SMOC2: variants seen among roughly 807,000 people sequenced by gnomAD.
The protein encoded by SMOC2 is SPARC-related modular calcium-binding protein 2.
In SMOC2, 39 loss-of-function variants were observed where a neutral mutation model predicts 61.4. The observed-to-expected ratio is 0.64, with a 90% CI of 0.49 to 0.83. The LOEUF (loss-of-function observed/expected upper bound fraction) is 0.83. Ranked by LOEUF, SMOC2 falls within the 40% of genes least tolerant of loss-of-function variation. SMOC2 has a pLI of 0.00. For synonymous variants in SMOC2, 247 were observed against 239.9 expected, an observed-to-expected ratio of 1.03 and a Z score of -0.27; for missense variants, 556 against 592.9, an observed-to-expected ratio of 0.94 and a Z score of 0.65.
At position 168,453,777 on chromosome 6, in the gene SMOC2, TTCTA is replaced by T. The variant is rs1481744674; in HGVS notation, c.84+12327_84+12330del. Among the ~76,000 whole-genome samples, 2 of 151,966 alleles carry T rather than the reference TTCTA, an allele frequency of 1.3e-5. No individual in the cohort carries two copies. The highest frequency in any genetic ancestry group is 4.8e-5 in the African/African-American group (2 of 41,392). ...TCTCCCTCTTTCTCTGTCTCTCTGA[TTCTA>T]TCTCTTGGTCTCTGTCATTCTCCAT... On this transcript the variant is annotated intron_variant, in intron 1 of 12. Transcript: ENST00000356284. This position sits in a 1 kb window ranked among gnomAD's most constrained non-coding sequence, Gnocchi z 4.4.
intron 7 of SMOC2, among the ~76,000 whole-genome samples, chr6:168,566,822 G>T (rs866414565): frequency 1.9e-4 from 29 of 152,152 alleles, no homozygotes; most frequent in Middle Eastern, 3.2e-3. Flanking sequence ...CTAATGCAGA[G>T]TTAGACTTTG....
At chr6:168,606,675 A>T (rs1785701627) in intron 8 of SMOC2, among the ~76,000 whole-genome samples, 1 of 152,234 alleles carries the variant, frequency 6.6e-6, no homozygotes, top group Non-Finnish European at 1.5e-5. Context: ...TTTAAGAATG[A>T]AAAAAGAAAA....
At chr6:168,540,284 G>T (rs1286915755) in intron 4 of SMOC2, among the ~76,000 whole-genome samples, 1 of 152,236 alleles carries the variant, frequency 6.6e-6, no homozygotes. Flanking sequence ...TGCCCTCCTA[G>T]AGGCTGCTCT....
rs538012745 is a variant in SMOC2 at position 168,609,171 on chromosome 6, G to A, written c.907+932G>A. 5.9e-5 allele frequency among the ~76,000 whole-genome samples: 9 copies of A among 152,332 alleles called. No individual in the cohort carries two copies. The South Asian group carries it at 1.7e-3, about 28-fold the overall frequency. ...AATGGTTGACACAGGGAAGCAGAGG[G>A]CGGAATGTGGTTCCGGGGACACACA... is the stretch of plus-strand genomic sequence containing the variant. On this transcript the variant is annotated intron_variant, in intron 9 of 12. Transcript: ENST00000356284.
chr6:168,480,126 A>G (rs1446307089), intron 1 of SMOC2, among the ~76,000 whole-genome samples: 1 of 152,176 alleles, frequency 6.6e-6, no homozygotes, highest in Non-Finnish European at 1.5e-5. Context: ...AACAAACCCC[A>G]AGCAAACCCT....
At chr6:168,521,027 G>T (rs1783316833) in intron 2 of SMOC2, among the ~76,000 whole-genome samples, 2 of 152,220 alleles carry the variant, frequency 1.3e-5, no homozygotes, top group Admixed American at 1.3e-4. Flanking sequence ...AGAGATTCTA[G>T]CAAAGTAGGG....
intron 7 of SMOC2, among the ~76,000 whole-genome samples, chr6:168,563,696 G>C (rs1362110955): frequency 2.0e-5 from 3 of 152,156 alleles, no homozygotes; most frequent in Non-Finnish European, 2.9e-5. Flanking sequence ...AACCAAGAAG[G>C]CGCCATCTGT....
At chr6:168,495,494 C>T (rs1047978059) in intron 1 of SMOC2, among the ~76,000 whole-genome samples, 2 of 152,182 alleles carry the variant, frequency 1.3e-5, no homozygotes, top group South Asian at 2.1e-4. Context: ...AAGTACAGAT[C>T]GTAGATGTGG....
At chr6:168,547,251 T>G in intron 6 of SMOC2, 82 bp downstream of exon 6, 2 of 1,236,696 alleles carry the variant, frequency 1.6e-6, no homozygotes, top group Non-Finnish European at 2.4e-6. Flanking sequence ...GAGCGAGTCA[T>G]CTTGTTAGAG....
At chr6:168,570,398 G>A (rs1784638271) in intron 7 of SMOC2, among the ~76,000 whole-genome samples, 1 of 152,116 alleles carries the variant, frequency 6.6e-6, no homozygotes, top group Non-Finnish European at 1.5e-5. Flanking sequence ...ACTGTGGGAG[G>A]AACGTCTTGC....
At chr6:168,543,512 C>A in intron 4 of SMOC2, 113 bp from the exon 5 acceptor site, 1 of 913,102 alleles carries the variant, frequency 1.1e-6, no homozygotes, top group Non-Finnish European at 1.7e-6. Context: ...TAGAACATGC[C>A]GAAGCACGGC....
At chr6:168,660,671 G>C (rs1274638362) in intron 11 of SMOC2, among the ~76,000 whole-genome samples, 1 of 152,228 alleles carries the variant, frequency 6.6e-6, no homozygotes, top group Non-Finnish European at 1.5e-5. Context: ...AGATGTGGCA[G>C]AGAAGCATGA....
intron 8 of SMOC2, among the ~76,000 whole-genome samples, chr6:168,600,411 AAAAAAAAAAAC>A (rs534271270): frequency 0.072 from 2,242 of 30,986 alleles, 212 homozygotes; most frequent in Admixed American, 0.25. Context: ...CTGCCTCAAA[AAAAAAAAAAAC>A]AAAAAAAAAA....
At chr6:168,602,712 C>G (rs1785581455) in intron 8 of SMOC2, among the ~76,000 whole-genome samples, 1 of 152,192 alleles carries the variant, frequency 6.6e-6, no homozygotes, top group African/African-American at 2.4e-5. Flanking sequence ...GGTCTGGTTC[C>G]TCGTGCAAAC....
chr6:168,551,428 TTTA>T (rs1784126803), intron 7 of SMOC2, among the ~76,000 whole-genome samples: 22 of 12,416 alleles, frequency 1.8e-3, no homozygotes, highest in African/African-American at 0.016. Context: ...CTTTATTTTA[TTTA>T]TTTATTTATT....
rs546760976 is a variant in SMOC2, at chr6:168,589,589, T to C, written c.638-9229T>C. Among the ~76,000 whole-genome samples, 6 of 152,340 alleles carry C rather than the reference T, an allele frequency of 3.9e-5. No homozygotes were observed. In the South Asian group the frequency reaches 1.2e-3, roughly 32 times the overall value. Reference sequence around the variant, plus strand: ...GGGTTCTGTCTCTGTGGCATTAGTTTAGGGAGAAGCCAGCCTGGTGGTGGT... The same window carrying C: ...GGGTTCTGTCTCTGTGGCATTAGTTCAGGGAGAAGCCAGCCTGGTGGTGGT... On this transcript the variant is annotated intron_variant, in intron 7 of 12. Coordinates refer to ENST00000356284, the MANE Select transcript of SMOC2 (RefSeq NM_001166412.2).
intron 3 of SMOC2, among the ~76,000 whole-genome samples, chr6:168,526,770 G>A (rs1027297749): frequency 1.3e-5 from 2 of 152,100 alleles, no homozygotes; most frequent in Non-Finnish European, 2.9e-5. Context: ...GTGCTAACCT[G>A]GCTTGCAGCT....
intron 4 of SMOC2, among the ~76,000 whole-genome samples, chr6:168,533,850 G>A (rs1016058097): frequency 3.3e-5 from 5 of 152,178 alleles, no homozygotes; most frequent in Non-Finnish European, 4.4e-5. Flanking sequence ...GAAATGCACC[G>A]AAAATTGAGG....
intron 1 of SMOC2, among the ~76,000 whole-genome samples, chr6:168,486,596 T>C (rs1782345662): frequency 6.6e-6 from 1 of 150,958 alleles, no homozygotes. Flanking sequence ...TGGAGTTGGC[T>C]CTGATGACCT....
Sources: allele counts gnomAD v4.1 joint callset (sites outside exome capture counted in the v4.1 genomes callset), GRCh38; gene constraint gnomAD v4.1.1; non-coding constraint Gnocchi (gnomAD v3.1); transcripts MANE v1.5; gene names NCBI Gene and HGNC (gene_info 2026-07-23, HGNC 2026-07-21).